LTA4H: variants seen among roughly 807,000 people sequenced by gnomAD.
The protein encoded by LTA4H is leukotriene A-4 hydrolase.
A neutral mutation model predicts 89.8 loss-of-function variants in LTA4H; 59 were observed. The ratio of observed to expected loss-of-function variants is 0.66; its 90% CI spans 0.53 to 0.82. LTA4H has a LOEUF of 0.82. Among genes scored for constraint, LTA4H ranks in the 40% least tolerant of loss-of-function variants. The pLI is 0.00. For missense variants in LTA4H, 617 were observed against 727.0 expected, an observed-to-expected ratio of 0.85 and a Z score of 1.74; for synonymous variants, 227 against 253.1, an observed-to-expected ratio of 0.90 and a Z score of 0.98.
intron 14 of LTA4H, 126 bp downstream of exon 14, chr12:96,013,062 C>G (rs1950326518): frequency 5.5e-6 from 4 of 728,214 alleles, no homozygotes; most frequent in East Asian, 2.7e-5. Context: ...GCCAAAACAC[C>G]TAAGAACTCT....
Position 96,024,888 on chromosome 12 carries a change from G to A in LTA4H, c.412-341C>T, listed in dbSNP as rs539457199. ...TCTCCATGTTGATCAGGCTGGTCTC[G>A]AACTCCCAACTTCAGGTGATCTGCC... On this transcript the variant is annotated intron_variant, in intron 3 of 18. Coordinates refer to ENST00000228740, the MANE Select transcript of LTA4H (RefSeq NM_000895.3). 7.9e-5 allele frequency among the ~76,000 whole-genome samples: 12 copies of A among 152,096 alleles called. No homozygotes were observed. In the South Asian group the frequency reaches 2.1e-3, roughly 26 times the overall value.
At chr12:96,026,288 G>A (rs1950512505) in intron 3 of LTA4H, among the ~76,000 whole-genome samples, 1 of 152,160 alleles carries the variant, frequency 6.6e-6, no homozygotes, top group Non-Finnish European at 1.5e-5. Context: ...ACAACCGTAA[G>A]CAAATTCATC....
intron 3 of LTA4H, among the ~76,000 whole-genome samples, chr12:96,026,702 G>C (rs1950517101): frequency 6.6e-6 from 1 of 152,124 alleles, no homozygotes; most frequent in Middle Eastern, 3.2e-3. Flanking sequence ...CAGGAATATT[G>C]GGAGGGATGA....
At chr12:96,018,473 C>T (rs181087499) in intron 8 of LTA4H, among the ~76,000 whole-genome samples, 1 of 151,946 alleles carries the variant, frequency 6.6e-6, no homozygotes, top group Non-Finnish European at 1.5e-5. Context: ...CGCTTGAACC[C>T]GGGGGCAGAG....
At chr12:96,024,054 C>T (rs1399315109) in intron 4 of LTA4H, among the ~76,000 whole-genome samples, 1 of 151,860 alleles carries the variant, frequency 6.6e-6, no homozygotes, top group Non-Finnish European at 1.5e-5. Flanking sequence ...CTCAGCCTGC[C>T]GAGTAGCTGG....
chr12:96,023,239 A>C (rs1950474355), intron 4 of LTA4H, among the ~76,000 whole-genome samples: 1 of 152,224 alleles, frequency 6.6e-6, no homozygotes, highest in Admixed American at 6.5e-5. Flanking sequence ...AACCAGTGCT[A>C]CAACAATTGT....
upstream of LTA4H, among the ~76,000 whole-genome samples, chr12:96,040,343 G>T (rs1175207845): frequency 2.0e-5 from 3 of 152,146 alleles, no homozygotes; most frequent in Non-Finnish European, 4.4e-5. Flanking sequence ...GAGATCATTA[G>T]TTGTCTTCTA....
upstream of LTA4H, among the ~76,000 whole-genome samples, chr12:96,037,795 C>G (rs1259226144): frequency 6.6e-6 from 1 of 150,566 alleles, no homozygotes; most frequent in African/African-American, 2.4e-5. Context: ...CGGGTTCACA[C>G]CGTTCTCCTG....
chr12:96,024,111 T>A (rs886948268), intron 4 of LTA4H, among the ~76,000 whole-genome samples: 15 of 151,942 alleles, frequency 9.9e-5, no homozygotes, highest in Non-Finnish European at 1.9e-4. Flanking sequence ...TTGTGTTTTT[T>A]TTAGTACAGA....
rs552907398 is a variant in LTA4H at position 96,029,135 on chromosome 12, T to C, written c.210A>G (p.Gln70=). Residue 70 remains glutamine (Q), a synonymous_variant, in exon 2 of 19, where the codon CAA becomes CAG. Coordinates refer to ENST00000228740, the MANE Select transcript of LTA4H (RefSeq NM_000895.3). The part of the protein sequence containing the change: ...LTIEKVVING[Q]EVKYALGERQ... Reference sequence around the variant, plus strand: ...TTTCTCCAAGAGCATATTTGACTTCTTGTCCATTGATCACTACTTTTTCTA... The same window carrying C: ...TTTCTCCAAGAGCATATTTGACTTCCTGTCCATTGATCACTACTTTTTCTA... 1.9e-6 allele frequency: 3 copies of C among 1,590,012 alleles called. No homozygotes were observed. Among genetic ancestry groups the C allele is most frequent in the East Asian group, 4.5e-5 (2 of 44,094 alleles).
upstream of LTA4H, among the ~76,000 whole-genome samples, chr12:96,038,047 A>T (rs1015403766): frequency 6.6e-6 from 1 of 152,154 alleles, no homozygotes; most frequent in African/African-American, 2.4e-5. Context: ...TAACATGTTT[A>T]GATATACAGG....
At chr12:96,032,238 C>T (rs1269560691) in intron 1 of LTA4H, among the ~76,000 whole-genome samples, 2 of 152,224 alleles carry the variant, frequency 1.3e-5, no homozygotes, top group Admixed American at 6.5e-5. Flanking sequence ...TTTTAGAAAG[C>T]TTAGAATTTG....
chr12:96,029,280 G>A, intron 1 of LTA4H, 95 bp from the exon 2 acceptor site: 1 of 628,036 alleles, frequency 1.6e-6, no homozygotes, highest in South Asian at 2.7e-5. Context: ...TGCTTATGGA[G>A]AGTAAAATAC....
chr12:96,027,706 T>A (rs1950527866), intron 2 of LTA4H, 142 bp from the exon 3 acceptor site: 2 of 451,480 alleles, frequency 4.4e-6, no homozygotes, highest in South Asian at 3.1e-5. Flanking sequence ...GTATGCCACA[T>A]CCTCAGTGGG....
chr12:96,015,520 A>C, intron 11 of LTA4H, 63 bp downstream of exon 11: 41 of 1,205,896 alleles, frequency 3.4e-5, no homozygotes, highest in Non-Finnish European at 3.9e-5. Context: ...GCTTTTATAA[A>C]AACTCAGTTT....
rs1357679865 is a variant in LTA4H, at chr12:96,022,401, T to C, written c.481-150A>G. The C allele has an allele frequency of 1.5e-5, 9 of 588,626 alleles. No individual in the cohort carries two copies. Among genetic ancestry groups the C allele is most frequent in the Non-Finnish European group, 2.7e-5 (9 of 333,654 alleles). The allele number at this position is 588,626 out of a possible 1,614,324, so 36.5% of individuals were successfully genotyped here. ...AGTATATACATATACAAAAAGTATA[T>C]ATATACACACACATATATATGAACA... On this transcript the variant is annotated intron_variant, in intron 4 of 18. Transcript: ENST00000228740. The surrounding 1 kb of genome is among the most constrained non-coding windows in gnomAD (Gnocchi z 4.0).
rs768151566 is a variant in LTA4H at position 96,009,107 on chromosome 12, T to C, written c.1421A>G (p.Gln474Arg). 6 of 1,605,310 alleles carry C rather than the reference T, an allele frequency of 3.7e-6. No homozygotes were observed. In the East Asian group the frequency reaches 1.3e-4, roughly 36 times the overall value. ...ATTATTACTTACAGTAATCCATCTTTGACTTAAGGCAATACAAGCATTTGT... is the reference window on the plus strand; with the variant it reads ...ATTATTACTTACAGTAATCCATCTTCGACTTAAGGCAATACAAGCATTTGT... ...TLTNACIALS[Q>R]RWITAKEDDL... Residue 474 changes from glutamine to arginine, a missense_variant, in exon 15 of 19, where the codon CAA becomes CGA. This residue lies in a region of LTA4H where 290 missense variants were observed against 339.1 expected (regional missense o/e 0.86). Transcript: ENST00000228740.
intron 17 of LTA4H, 26 bp from the exon 18 acceptor site, chr12:96,003,090 T>C: frequency 1.3e-6 from 2 of 1,494,062 alleles, no homozygotes; most frequent in Non-Finnish European, 1.8e-6. Context: ...GGGGGGAGCA[T>C]GGAGTAGAAA....
chr12:96,012,206 C>T (rs1950311563), intron 14 of LTA4H: 1 of 152,214 alleles, frequency 6.6e-6, no homozygotes, highest in African/African-American at 2.4e-5. Flanking sequence ...ATGACCAGGC[C>T]TCATCTTGTT....
Sources: allele counts gnomAD v4.1 joint callset (sites outside exome capture counted in the v4.1 genomes callset), GRCh38; gene constraint gnomAD v4.1.1; regional missense constraint gnomAD v4.1.1; non-coding constraint Gnocchi (gnomAD v3.1); transcripts MANE v1.5; gene names NCBI Gene and HGNC (gene_info 2026-07-23, HGNC 2026-07-21).